CSGALNACT1: variants seen among roughly 807,000 people sequenced by gnomAD.
CSGALNACT1 encodes the protein chondroitin sulfate N-acetylgalactosaminyltransferase 1.
CSGALNACT1 carries 52 observed loss-of-function variants against 51.0 expected under a neutral mutation model. The observed-to-expected ratio is 1.02, with a 90% CI of 0.82 to 1.29. The LOEUF is 1.29. Among genes scored for constraint, CSGALNACT1 ranks in the 50% most tolerant of loss-of-function variants. CSGALNACT1 has a pLI of 0.00. For missense variants in CSGALNACT1, 935 were observed against 679.2 expected, an observed-to-expected ratio of 1.38 and a Z score of -4.19; for synonymous variants, 341 against 254.4, an observed-to-expected ratio of 1.34 and a Z score of -3.24.
chr8:19,754,439 A>C (rs1320114299), intron 1 of CSGALNACT1, among the ~76,000 whole-genome samples: 1 of 152,230 alleles, frequency 6.6e-6, no homozygotes, highest in Non-Finnish European at 1.5e-5. Flanking sequence ...TAAACACATT[A>C]AAAGATAAAA....
chr8:19,565,104 A>G (rs1243972967), intron 3 of CSGALNACT1, among the ~76,000 whole-genome samples: 1 of 152,254 alleles, frequency 6.6e-6, no homozygotes, highest in Non-Finnish European at 1.5e-5. Flanking sequence ...TCCTTGCTGA[A>G]AAATATCCTT....
chr8:19,489,800 A>T (rs1258422828), intron 4 of CSGALNACT1, among the ~76,000 whole-genome samples: 1 of 152,118 alleles, frequency 6.6e-6, no homozygotes, highest in African/African-American at 2.4e-5. Flanking sequence ...TTAAATTAAA[A>T]CCAAAAATCT....
At chr8:19,731,347 A>C (rs1589738655) in intron 1 of CSGALNACT1, among the ~76,000 whole-genome samples, 2 of 152,156 alleles carry the variant, frequency 1.3e-5, no homozygotes, top group South Asian at 4.1e-4. Flanking sequence ...GTCTCTACCA[A>C]AAATACAAAA....
chr8:19,502,846 A>T (rs1218003420), intron 4 of CSGALNACT1, among the ~76,000 whole-genome samples: 2 of 152,216 alleles, frequency 1.3e-5, no homozygotes, highest in African/African-American at 2.4e-5. Flanking sequence ...AAAGGTCCCC[A>T]AATGTAATTC....
At chr8:19,739,996 T>C (rs965679966) in intron 1 of CSGALNACT1, among the ~76,000 whole-genome samples, 2 of 152,148 alleles carry the variant, frequency 1.3e-5, no homozygotes, top group African/African-American at 4.8e-5. Context: ...CTTTTGTAGG[T>C]TTTCCAGGGG....
intron 4 of CSGALNACT1, among the ~76,000 whole-genome samples, chr8:19,483,555 T>C (rs4922039): frequency 0.76 from 116,303 of 152,186 alleles, 44,998 homozygotes; most frequent in East Asian, 0.86. Context: ...CCCTTCTATC[T>C]CTCTAGACTT....
At chr8:19,508,459 A>G (rs1587504309) in intron 3 of CSGALNACT1, among the ~76,000 whole-genome samples, 1 of 152,252 alleles carries the variant, frequency 6.6e-6, no homozygotes, top group East Asian at 1.9e-4. Flanking sequence ...GTGCATGTTT[A>G]GCCCTGGAAG....
At chr8:19,666,764 A>AAAG (rs2059212518) in intron 1 of CSGALNACT1, among the ~76,000 whole-genome samples, 1 of 7,676 alleles carries the variant, frequency 1.3e-4, no homozygotes, top group African/African-American at 5.0e-4. Context: ...AAGAAAGAAG[A>AAAG]AAGAAAGAAA....
At chr8:19,570,315 C>T (rs2042747074) in intron 3 of CSGALNACT1, among the ~76,000 whole-genome samples, 2 of 152,072 alleles carry the variant, frequency 1.3e-5, no homozygotes, top group East Asian at 3.9e-4. Flanking sequence ...TTTCTTTAAG[C>T]ATATTTTTGC....
intron 3 of CSGALNACT1, among the ~76,000 whole-genome samples, chr8:19,550,171 C>T (rs62493894): frequency 0.13 from 19,978 of 151,972 alleles, 1,483 homozygotes; most frequent in Middle Eastern, 0.2. Context: ...TGTTTTTAAG[C>T]GAAGGAGTCT....
At chr8:19,611,373 A>G (rs2052233130) in intron 1 of CSGALNACT1, among the ~76,000 whole-genome samples, 1 of 152,220 alleles carries the variant, frequency 6.6e-6, no homozygotes, top group Non-Finnish European at 1.5e-5. Flanking sequence ...GGTTTGACAG[A>G]AATAGTTATA....
chr8:19,450,246 GA>G (rs1294134962), intron 5 of CSGALNACT1, among the ~76,000 whole-genome samples: 2 of 98,528 alleles, frequency 2.0e-5, no homozygotes, highest in East Asian at 4.1e-4. Context: ...CAGGGAGGAA[GA>G]GGGGGAGGAA....
intron 1 of CSGALNACT1, among the ~76,000 whole-genome samples, chr8:19,645,411 T>A (rs2057175308): frequency 6.6e-6 from 1 of 152,204 alleles, no homozygotes; most frequent in Admixed American, 6.5e-5. Flanking sequence ...GAGAACAAGC[T>A]GCTGTGGTGG....
upstream of CSGALNACT1, among the ~76,000 whole-genome samples, chr8:19,684,072 A>G (rs2060824655): frequency 6.6e-6 from 1 of 152,180 alleles, no homozygotes; most frequent in Non-Finnish European, 1.5e-5. Flanking sequence ...AGGCTGAAGC[A>G]GGAGAATCGT....
At chr8:19,440,933 CAGAG>C (rs892988388) in intron 5 of CSGALNACT1, among the ~76,000 whole-genome samples, 10 of 152,120 alleles carry the variant, frequency 6.6e-5, no homozygotes, top group African/African-American at 2.4e-4. Flanking sequence ...AACAGACAAA[CAGAG>C]AGCCCAATCA....
chr8:19,405,623 A>G, exon 10 of CSGALNACT1: 1 of 1,001,326 alleles, frequency 1.0e-6, no homozygotes. Flanking sequence ...TTTCTGTTGT[A>G]AAAAGCCCAA....
At chr8:19,555,116 G>A (rs1172548741) in intron 3 of CSGALNACT1, among the ~76,000 whole-genome samples, 2 of 151,792 alleles carry the variant, frequency 1.3e-5, no homozygotes, top group East Asian at 3.9e-4. Context: ...CTGAGCGCCT[G>A]TAGTTCCCAC....
chr8:19,735,924 C>T (rs2063941866), intron 1 of CSGALNACT1, among the ~76,000 whole-genome samples: 1 of 152,028 alleles, frequency 6.6e-6, no homozygotes, highest in Non-Finnish European at 1.5e-5. Context: ...AGGCTTTTTT[C>T]TTCTTTTTAT....
intron 3 of CSGALNACT1, among the ~76,000 whole-genome samples, chr8:19,570,825 T>C (rs2042870119): frequency 1.3e-5 from 2 of 152,214 alleles, no homozygotes; most frequent in South Asian, 4.1e-4. Context: ...AAGCTGAGGC[T>C]TGAACCCAGG....
Sources: allele counts gnomAD v4.1 joint callset (sites outside exome capture counted in the v4.1 genomes callset), GRCh38; gene constraint gnomAD v4.1.1; transcripts MANE v1.5; gene names NCBI Gene and HGNC (gene_info 2026-07-23, HGNC 2026-07-21).